The following HIP1 variants were observed in gnomAD, a reference collection of about 807,000 sequenced individuals.
HIP1 encodes huntingtin interacting protein 1.
Under a neutral mutation model 147.6 loss-of-function variants are expected in HIP1, and 65 were observed. The observed-to-expected ratio is 0.44, with a 90% CI of 0.36 to 0.54. The LOEUF (loss-of-function observed/expected upper bound fraction) is 0.54. Among genes scored for constraint, HIP1 ranks in the 20% least tolerant of loss-of-function variants. The probability of loss-of-function intolerance (pLI) is 0.00; values close to 1 mark genes in which losing one functional copy is unlikely to be tolerated. For synonymous variants in HIP1, 479 were observed against 504.0 expected (o/e 0.95, Z 0.67); for missense variants, 1,061 against 1,299.6 (o/e 0.82, Z 2.82).
intron 8 of HIP1, among the ~76,000 whole-genome samples, chr7:75,571,609 G>C (rs1795635688): frequency 6.6e-6 from 1 of 152,050 alleles, no homozygotes; most frequent in African/African-American, 2.4e-5. Flanking sequence ...TTTAGGCACG[G>C]TCTCGTTCTG....
At chr7:75,679,499 C>A (rs1459884287) in intron 1 of HIP1, among the ~76,000 whole-genome samples, 3 of 152,164 alleles carry the variant, frequency 2.0e-5, no homozygotes, top group Non-Finnish European at 4.4e-5. Context: ...CAACTGTGCC[C>A]AGCCAACAAT....
At chr7:75,544,590 C>T (rs1397313509) in intron 27 of HIP1, 105 bp downstream of exon 27, 1 of 740,142 alleles carries the variant, frequency 1.4e-6, no homozygotes, top group African/African-American at 1.7e-5. Flanking sequence ...CAAGTACTCT[C>T]TAACTCAGCC....
chr7:75,625,618 T>A (rs1182914895), intron 1 of HIP1: 1 of 152,228 alleles, frequency 6.6e-6, no homozygotes, highest in African/African-American at 2.4e-5. Flanking sequence ...CAGTCACTGT[T>A]TCTAGTGAGT....
At chr7:75,647,287 A>T (rs1458276585) in intron 1 of HIP1, among the ~76,000 whole-genome samples, 11 of 150,194 alleles carry the variant, frequency 7.3e-5, no homozygotes, top group Admixed American at 6.8e-5. Flanking sequence ...AATCCCAGCT[A>T]CACGGGAGAC....
intron 1 of HIP1, among the ~76,000 whole-genome samples, chr7:75,727,188 G>A (rs1801676992): frequency 6.6e-6 from 1 of 152,018 alleles, no homozygotes; most frequent in Admixed American, 6.6e-5. Context: ...ATGGCTCACT[G>A]CAGCCTTGAC....
chr7:75,555,887 C>T, intron 18 of HIP1, 139 bp downstream of exon 18: 1 of 1,035,482 alleles, frequency 9.7e-7, no homozygotes, highest in Non-Finnish European at 1.4e-6. Context: ...GGCATTACAC[C>T]TACAGAATGT....
chr7:75,562,349 G>C (rs1159613041), intron 11 of HIP1, among the ~76,000 whole-genome samples, 179 bp from the exon 12 acceptor site: 2 of 152,136 alleles, frequency 1.3e-5, no homozygotes, highest in African/African-American at 2.4e-5. Context: ...GAGTACAGTG[G>C]TGCAATCATA....
In HIP1 at chr7:75,541,928, C is replaced by T. The variant is rs2116730744; in HGVS notation, c.2943G>A (p.Met981Ile). The T allele has an allele frequency of 6.2e-7, 1 of 1,612,734 alleles. No homozygotes were observed. The highest frequency in any genetic ancestry group is 2.2e-5 in the East Asian group (1 of 44,870). The change falls in exon 29 of 31, where the codon ATG becomes ATA. Residue 981 changes from methionine (M) to isoleucine (I), a missense_variant. By Grantham distance (10) the Met-to-Ile change is conservative. Around this residue, in one of 3 missense-constraint regions of HIP1, gnomAD observed 810 missense variants for 946.8 expected, o/e 0.86. Transcript: ENST00000336926. ...CAGATGGAGCTCTCACCTGAGAATCCATCTCTTGGCGTTTGATCTGTGTCA... is the reference window on the plus strand; with the variant it reads ...CAGATGGAGCTCTCACCTGAGAATCTATCTCTTGGCGTTTGATCTGTGTCA... ...MTLTQIKRQE[M>I]DSQVRVLELE...
intron 1 of HIP1, among the ~76,000 whole-genome samples, chr7:75,714,722 G>A (rs1264429525): frequency 6.6e-6 from 1 of 152,088 alleles, no homozygotes; most frequent in Non-Finnish European, 1.5e-5. Flanking sequence ...CAAAGTGCTG[G>A]GATTACAGGT....
At chr7:75,681,707 A>G (rs574761716) in intron 1 of HIP1, among the ~76,000 whole-genome samples, 36 of 151,688 alleles carry the variant, frequency 2.4e-4, no homozygotes, top group African/African-American at 8.2e-4. Context: ...AGGTCTCACT[A>G]TGTTGCCCTG....
At chr7:75,683,032 G>C (rs184054350) in intron 1 of HIP1, among the ~76,000 whole-genome samples, 1 of 151,900 alleles carries the variant, frequency 6.6e-6, no homozygotes, top group Non-Finnish European at 1.5e-5. Context: ...GCCCAGGCTA[G>C]AGTGCAGTGG....
chr7:75,695,041 G>A lies in HIP1; in HGVS notation c.120+43760C>T, dbSNP rs961821916. 3.3e-5 allele frequency among the ~76,000 whole-genome samples: 5 copies of A among 152,118 alleles called. 1 individual carries two copies. Among genetic ancestry groups the A allele is most frequent in the Non-Finnish European group, 5.9e-5 (4 of 68,034 alleles). ...GCACTGTCTTTGTTTCCTAAAGATT[G>A]CCTTTTCCCCATCACTTATTTTAGT... On this transcript the variant is annotated intron_variant, in intron 1 of 30. Transcript: ENST00000336926.
chr7:75,730,369 C>T (rs765914876), intron 1 of HIP1, among the ~76,000 whole-genome samples: 111 of 147,354 alleles, frequency 7.5e-4, no homozygotes, highest in South Asian at 1.7e-3. Flanking sequence ...GACGGAGTTT[C>T]GCTCTTGTTG....
intron 25 of HIP1, among the ~76,000 whole-genome samples, chr7:75,545,494 T>C (rs587705863): frequency 2.5e-4 from 38 of 151,532 alleles, no homozygotes; most frequent in African/African-American, 9.2e-4. Flanking sequence ...ATACAAAAAT[T>C]AGCTAGGTGT....
At chr7:75,694,982 A>G (rs1216244333) in intron 1 of HIP1, among the ~76,000 whole-genome samples, 2 of 151,988 alleles carry the variant, frequency 1.3e-5, no homozygotes, top group Non-Finnish European at 2.9e-5. Context: ...TCTATGAGAA[A>G]ACTATGGAAA....
chr7:75,602,523 A>ATTT (rs1797041793), intron 1 of HIP1, among the ~76,000 whole-genome samples: 1 of 49,486 alleles, frequency 2.0e-5, no homozygotes, highest in African/African-American at 8.8e-5. Flanking sequence ...TTTTTTTTTG[A>ATTT]GACGGAGTCT....
intron 1 of HIP1, among the ~76,000 whole-genome samples, chr7:75,712,452 G>A (rs1474756504): frequency 6.6e-6 from 1 of 152,136 alleles, no homozygotes; most frequent in Non-Finnish European, 1.5e-5. Flanking sequence ...CACTCCAATA[G>A]TAGGGGGAAA....
At chr7:75,675,354 C>T (rs988949405) in intron 1 of HIP1, among the ~76,000 whole-genome samples, 9 of 152,228 alleles carry the variant, frequency 5.9e-5, no homozygotes, top group South Asian at 2.1e-4. Context: ...GCACACACCA[C>T]CACACCCAGC....
chr7:75,707,973 G>A (rs559575925), intron 1 of HIP1, among the ~76,000 whole-genome samples: 7 of 141,604 alleles, frequency 4.9e-5, no homozygotes, highest in East Asian at 2.0e-4. Flanking sequence ...AGATTTATAC[G>A]TTAGACCTAA....
Sources: allele counts gnomAD v4.1 joint callset (sites outside exome capture counted in the v4.1 genomes callset), GRCh38; gene constraint gnomAD v4.1.1; regional missense constraint gnomAD v4.1.1; transcripts MANE v1.5; gene names NCBI Gene and HGNC (gene_info 2026-07-23, HGNC 2026-07-21).